MED1: variants seen among roughly 807,000 people sequenced by gnomAD.
MED1 encodes mediator of RNA polymerase II transcription subunit 1.
Under a neutral mutation model 121.3 loss-of-function variants are expected in MED1, and 17 were observed. The observed-to-expected ratio is 0.14, with a 90% CI of 0.10 to 0.21. MED1 has a LOEUF of 0.21. MED1 is among the 10% of genes least tolerant of loss of function. The pLI is 1.00. For missense variants in MED1, 1,558 were observed against 1,919.4 expected (o/e 0.81, Z 3.52); for synonymous variants, 661 against 694.4 (o/e 0.95, Z 0.76).
At chr17:39,420,437 G>A (rs553728016) in intron 13 of MED1, among the ~76,000 whole-genome samples, 94 of 152,000 alleles carry the variant, frequency 6.2e-4, no homozygotes, top group African/African-American at 2.1e-3. Flanking sequence ...TCCTGACTTC[G>A]TGATCCACCC....
At chr17:39,447,473 C>T (rs998301517) in intron 2 of MED1, among the ~76,000 whole-genome samples, 15 of 151,772 alleles carry the variant, frequency 9.9e-5, no homozygotes, top group African/African-American at 3.6e-4. Context: ...TATAAAATTA[C>T]CTTCAGGCTA....
At position 39,407,571 on chromosome 17, in the gene MED1, T is replaced by C. The variant is rs1421983671; in HGVS notation, c.4650A>G (p.Thr1550=). 4.3e-6 allele frequency: 7 copies of C among 1,614,016 alleles called. No homozygotes were observed. Among genetic ancestry groups the C allele is most frequent in the Non-Finnish European group, 5.9e-6 (7 of 1,180,022 alleles). The change falls in exon 17 of 17, where the codon ACA becomes ACG. Residue 1550 remains threonine, a synonymous_variant. Coordinates refer to ENST00000300651, the MANE Select transcript of MED1 (RefSeq NM_004774.4). Reference sequence around the variant, plus strand: ...TTGAGGGTCTGTCTGCAGATAAGATTGTGTTACTTGTCATAGACAAGGACT... The same window carrying C: ...TTGAGGGTCTGTCTGCAGATAAGATCGTGTTACTTGTCATAGACAAGGACT... The part of the protein sequence containing the change: ...SDQSLSMTSN[T]ILSADRPSRL...
Position 39,408,591 on chromosome 17 carries a change from C to T in MED1, c.3630G>A (p.Lys1210=), listed in dbSNP as rs772455834. Residue 1210 remains lysine, a synonymous_variant, in exon 17 of 17, where the codon AAG becomes AAA. Coordinates refer to ENST00000300651, the MANE Select transcript of MED1 (RefSeq NM_004774.4). This position sits in a 1 kb window ranked among gnomAD's most constrained non-coding sequence, Gnocchi z 4.7. The part of the protein sequence containing the change: ...GGSDKLASPM[K]PVPGTPPSSK... ...AGGATGGAGGAGTTCCAGGAACAGG[C>T]TTCATTGGAGAGGCAAGCTTGTCAG... 4.3e-6 allele frequency: 7 copies of T among 1,614,182 alleles called. No individual in the cohort carries two copies. The East Asian group carries it at 1.6e-4, about 36-fold the overall frequency.
At chr17:39,424,058 T>A (rs1211244734) in intron 11 of MED1, among the ~76,000 whole-genome samples, 1 of 151,992 alleles carries the variant, frequency 6.6e-6, no homozygotes, top group African/African-American at 2.4e-5. Context: ...AATTTTTGTA[T>A]TGTTAGTAGA....
chr17:39,405,101 G>A lies in MED1; in HGVS notation c.*2374C>T, dbSNP rs1413493927. ...CAGAAGAATGAGTACACCTAGACAG[G>A]AGGGAGGTGTCCCAGGCTTGGTTTA... On this transcript the variant is annotated 3_prime_UTR_variant, in exon 17 of 17. Transcript: ENST00000300651. The A allele has an allele frequency of 2.7e-6, 3 of 1,107,368 alleles. No homozygotes were observed. The highest frequency in any genetic ancestry group is 3.7e-6 in the Non-Finnish European group (3 of 802,940). The allele number at this position is 1,107,368 out of a possible 1,614,324, so 68.6% of individuals were successfully genotyped here.
At chr17:39,439,803 T>C (rs2144763989) in intron 5 of MED1, among the ~76,000 whole-genome samples, 1 of 151,746 alleles carries the variant, frequency 6.6e-6, no homozygotes, top group East Asian at 1.9e-4. Flanking sequence ...CCAGGCATGG[T>C]GGCACACACC....
chr17:39,440,777 T>C lies in MED1; in HGVS notation c.212-100A>G. ...ATTCATCCTTCCAAAACCGTAAACATATTCAGTAGTTCAAATGCTTGTAAT... is the reference window on the plus strand; with the variant it reads ...ATTCATCCTTCCAAAACCGTAAACACATTCAGTAGTTCAAATGCTTGTAAT... On this transcript the variant is annotated intron_variant, in intron 3 of 16. Coordinates refer to ENST00000300651, the MANE Select transcript of MED1 (RefSeq NM_004774.4). This position sits in a 1 kb window ranked among gnomAD's most constrained non-coding sequence, Gnocchi z 4.1. The C allele has an allele frequency of 1.8e-6, 2 of 1,127,874 alleles. No homozygotes were observed. The highest frequency in any genetic ancestry group is 2.6e-6 in the Non-Finnish European group (2 of 764,294). The allele number at this position is 1,127,874 out of a possible 1,614,324, so 69.9% of individuals were successfully genotyped here.
chr17:39,431,176 A>G lies in MED1; in HGVS notation c.588T>C (p.Asn196=), dbSNP rs2048561888. ...GAAGAATCTTATCCAAGGGACCAGC[A>G]TTAGTTGCTTTCCTGTAAGACAAGT... ...KMAIMYWKAT[N]AGPLDKILHG... is the part of the protein sequence containing the mutation. The change falls in exon 9 of 17, where the codon AAT becomes AAC. Residue 196 remains asparagine (N), a synonymous_variant. Coordinates refer to ENST00000300651, the MANE Select transcript of MED1 (RefSeq NM_004774.4). The G allele has an allele frequency of 1.2e-6, 2 of 1,612,720 alleles. No homozygotes were observed. Among genetic ancestry groups the G allele is most frequent in the Non-Finnish European group, 1.7e-6 (2 of 1,178,782 alleles).
chr17:39,440,032 AAG>A lies in MED1; in HGVS notation c.399+352_399+353del, dbSNP rs1426379058. On this transcript the variant is annotated intron_variant, in intron 5 of 16. Coordinates refer to ENST00000300651, the MANE Select transcript of MED1 (RefSeq NM_004774.4). This position sits in a 1 kb window ranked among gnomAD's most constrained non-coding sequence, Gnocchi z 4.1. ...AAGGAAGGAAGGAAAGAAAGAAAGA[AAG>A]AGAGAAAGAGAAAGAAAGAAAAGAA... Among the ~76,000 whole-genome samples, 2 of 142,780 alleles carry A rather than the reference AAG, an allele frequency of 1.4e-5. No individual in the cohort carries two copies. The highest frequency in any genetic ancestry group is 3.2e-5 in the Non-Finnish European group (2 of 62,952). The allele number at this position is 142,780 out of a possible 152,430, so 93.7% of individuals were successfully genotyped here. A position where few individuals can be genotyped will look rare whatever the true frequency, so the allele number is the denominator to read the frequency against.
rs1035252516 is a variant in MED1 at position 39,423,533 on chromosome 17, CAA to C, written c.977-90_977-89del. On this transcript the variant is annotated intron_variant, in intron 12 of 16. Transcript: ENST00000300651. ...CCCTTGATATCTACATTCATTCACCCAAAAGAGTACTTACTAAGCATTTACTA... is the reference window on the plus strand; with the variant it reads ...CCCTTGATATCTACATTCATTCACCCAAGAGTACTTACTAAGCATTTACTA... 5 of 1,416,386 alleles carry C rather than the reference CAA, an allele frequency of 3.5e-6. No homozygotes were observed. The African/African-American group carries it at 7.1e-5, about 20-fold the overall frequency. The allele number at this position is 1,416,386 out of a possible 1,614,324, so 87.7% of individuals were successfully genotyped here.
intron 9 of MED1, among the ~76,000 whole-genome samples, chr17:39,430,179 A>G (rs2048552421): frequency 6.6e-6 from 1 of 151,874 alleles, no homozygotes; most frequent in African/African-American, 2.4e-5. Context: ...GAAGTCAGGA[A>G]TTTGAGACCA....
rs1339630737 is a variant in MED1 at position 39,419,951 on chromosome 17, T to A, written c.1096-33A>T. 3 of 1,590,238 alleles carry A rather than the reference T, an allele frequency of 1.9e-6. No individual in the cohort carries two copies. In the African/African-American group the frequency reaches 4.0e-5, roughly 21 times the overall value. On this transcript the variant is annotated intron_variant, in intron 13 of 16. Coordinates refer to ENST00000300651, the MANE Select transcript of MED1 (RefSeq NM_004774.4). The stretch of plus-strand genomic sequence containing the variant: ...AAAAGAACAGTTAACGAGTGCTATT[T>A]AGTTACCTATTGTATTCCAACCACA...
intron 3 of MED1, among the ~76,000 whole-genome samples, chr17:39,442,757 T>C (rs2048690634): frequency 1.3e-5 from 2 of 149,760 alleles, no homozygotes; most frequent in African/African-American, 4.9e-5. Context: ...AATATAAAAT[T>C]ACCCGGGCAT....
intron 1 of MED1, 147 bp downstream of exon 1, chr17:39,450,891 T>G: frequency 1.6e-6 from 1 of 628,944 alleles, no homozygotes. Flanking sequence ...AAGGAGGGTA[T>G]AGTGACAATC....
chr17:39,429,653 G>C (rs530760483), intron 9 of MED1, among the ~76,000 whole-genome samples: 1 of 129,098 alleles, frequency 7.7e-6, no homozygotes, highest in Non-Finnish European at 1.5e-5. Context: ...CCAAGATCGC[G>C]CCACTGCACT....
Position 39,407,422 on chromosome 17 carries a change from C to T in MED1, c.*53G>A. The T allele has an allele frequency of 1.3e-6, 2 of 1,536,636 alleles. No homozygotes were observed. The highest frequency in any genetic ancestry group is 2.6e-5 in the South Asian group (2 of 77,042). ...CCCCTTATGGTGGTTTGCCTATAAA[C>T]TTATCAATAGTTTTTTTTCCTCTGG... On this transcript the variant is annotated 3_prime_UTR_variant, in exon 17 of 17. Coordinates refer to ENST00000300651, the MANE Select transcript of MED1 (RefSeq NM_004774.4).
rs1333505420 is a variant in MED1, at chr17:39,410,317, A to G, written c.1904T>C (p.Met635Thr). ...PHHTPPPVSS[M>T]AGNTKNHPML... ...CGGGTGGTTCTTGGTGTTGCCGGCC[A>G]TCGAAGAGACAGGTGGCGGCGTGTG... The change falls in exon 17 of 17, where the codon ATG becomes ACG. Residue 635 changes from methionine to threonine, a missense_variant. This residue lies in a region of MED1 where 793 missense variants were observed against 898.2 expected (regional missense o/e 0.88). Transcript: ENST00000300651. The G allele has an allele frequency of 6.2e-7, 1 of 1,613,792 alleles. No individual in the cohort carries two copies. Among genetic ancestry groups the G allele is most frequent in the Non-Finnish European group, 8.5e-7 (1 of 1,179,998 alleles).
chr17:39,428,216 G>T (rs549928792), intron 9 of MED1, among the ~76,000 whole-genome samples: 258 of 152,298 alleles, frequency 1.7e-3, no homozygotes, highest in African/African-American at 6.0e-3. Flanking sequence ...CAGGTGCGGT[G>T]GCTCATGCCT....
chr17:39,423,053 G>A (rs1231159214), intron 13 of MED1, among the ~76,000 whole-genome samples: 1 of 151,438 alleles, frequency 6.6e-6, no homozygotes, highest in Admixed American at 6.6e-5. Context: ...TTTTAGTAGA[G>A]ACAGGGTTTC....
Sources: gnomAD v4.1 joint callset for allele counts (sites outside exome capture counted in the v4.1 genomes callset) on GRCh38, gnomAD v4.1.1 for gene constraint, gnomAD v4.1.1 regional missense constraint, Gnocchi (gnomAD v3.1) non-coding constraint, MANE v1.5 for transcripts, NCBI Gene and HGNC (gene_info 2026-07-23, HGNC 2026-07-21) for gene names.